The following ZNF45 variants were observed in gnomAD, a reference collection of about 807,000 sequenced individuals.
ZNF45 encodes BRC1744.
Under a neutral mutation model 12.0 loss-of-function variants are expected in ZNF45, and 4 were observed. The observed-to-expected ratio is 0.33, with a 90% CI of 0.16 to 0.76. ZNF45 has a LOEUF of 0.76. Among genes scored for constraint, ZNF45 ranks in the 30% least tolerant of loss-of-function variants. The pLI is 0.60. For missense variants in ZNF45, 700 were observed against 813.0 expected, an observed-to-expected ratio of 0.86 and a Z score of 1.69; for synonymous variants, 272 against 279.6, an observed-to-expected ratio of 0.97 and a Z score of 0.27.
chr19:43,917,330 TAAGA>T (rs1225687964), intron 9 of ZNF45, among the ~76,000 whole-genome samples: 1 of 152,216 alleles, frequency 6.6e-6, no homozygotes, highest in South Asian at 2.1e-4. Flanking sequence ...TCTAAATGAT[TAAGA>T]AAGGTATTAA....
rs781271230 is a variant in ZNF45 at position 43,914,701 on chromosome 19, C to T, written c.735G>A (p.Glu245=). 3.1e-6 allele frequency: 5 copies of T among 1,614,216 alleles called. No individual in the cohort carries two copies. The South Asian group carries it at 5.5e-5, about 18-fold the overall frequency. Residue 245 remains glutamate (E), a synonymous_variant, in exon 10 of 10, where the codon GAG becomes GAA. Transcript: ENST00000269973. The part of the protein sequence containing the change: ...LPHHQRVPTG[E]NPYKYEECGR... ...CACACTCTTCATATTTGTATGGATTCTCTCCAGTGGGAACTCTCTGATGAT... is the reference window on the plus strand; with the variant it reads ...CACACTCTTCATATTTGTATGGATTTTCTCCAGTGGGAACTCTCTGATGAT...
intron 6 of ZNF45, among the ~76,000 whole-genome samples, chr19:43,922,820 G>GTTTTTTTTTTTT (rs368057244): frequency 1.2e-5 from 1 of 86,506 alleles, no homozygotes; most frequent in Non-Finnish European, 2.1e-5. Flanking sequence ...TAAATTCTTT[G>GTTTTTTTTTTTT]TTTTTTTTTT....
rs1974378269 is a variant in ZNF45, at chr19:43,934,707, GA to G, written c.-755-14del. On this transcript the variant is annotated splice_polypyrimidine_tract_variant and intron_variant, in intron 1 of 9. Coordinates refer to ENST00000269973, the MANE Select transcript of ZNF45 (RefSeq NM_003425.4). ...ACAGCCTCCTTTCCTGCAGGAATCA[GA>G]AAGAAGAGCCAGGCGCTTGCTGAAA... 6.6e-6 allele frequency: 1 copy of G among 152,220 alleles called. No individual in the cohort carries two copies. 9.4% of individuals were successfully genotyped at this position (152,220 alleles called of 1,614,324 possible). A position where few individuals can be genotyped will look rare whatever the true frequency, so the allele number is the denominator to read the frequency against.
chr19:43,919,555 G>C lies in ZNF45; in HGVS notation c.142+18C>G. 6.2e-7 allele frequency: 1 copy of C among 1,608,436 alleles called. No homozygotes were observed. The highest frequency in any genetic ancestry group is 1.1e-5 in the South Asian group (1 of 90,890). On this transcript the variant is annotated intron_variant, in intron 8 of 9. Transcript: ENST00000269973. ...AACAGAGGGAGCCAATGTTCAGTCA[G>C]AGAATGCCTGTCCTCACCCACTGAG...
rs192974000 is a variant in ZNF45, at chr19:43,913,392, G to A, written c.2044C>T (p.Arg682Ter). 1.1e-4 allele frequency: 172 copies of A among 1,531,538 alleles called. No homozygotes were observed. In the Middle Eastern group the frequency reaches 1.4e-3, roughly 13 times the overall value. 94.9% of individuals were successfully genotyped at this position (1,531,538 alleles called of 1,614,324 possible). Residue 682 changes from arginine (R) to a stop codon, truncating the protein, a stop_gained, in exon 10 of 10, where the codon CGA (arginine) becomes TGA (stop). Transcript: ENST00000269973. LOFTEE classifies it high-confidence loss of function. ...CTGAGATAGTAAAACATATTTTATC[G>A]AGTTTTCCTGTGTGAATCCTCTGAT... ...PSSEDSHRKT[R>*]
Position 43,913,319 on chromosome 19 carries a change from A to C in ZNF45, c.*68T>G. The C allele has an allele frequency of 2.0e-6, 3 of 1,504,672 alleles. No individual in the cohort carries two copies. In the South Asian group the frequency reaches 4.2e-5, roughly 21 times the overall value. 93.2% of individuals were successfully genotyped at this position (1,504,672 alleles called of 1,614,324 possible). Reference sequence around the variant, plus strand: ...CTGAACTACTGACTCTATAAAACAAATGTTTTGTCTATGATAGCTCTGATT... The same window carrying C: ...CTGAACTACTGACTCTATAAAACAACTGTTTTGTCTATGATAGCTCTGATT... On this transcript the variant is annotated 3_prime_UTR_variant, in exon 10 of 10. Transcript: ENST00000269973.
At chr19:43,921,110 G>C (rs181857004) in intron 7 of ZNF45, among the ~76,000 whole-genome samples, 120 of 152,300 alleles carry the variant, frequency 7.9e-4, no homozygotes, top group Non-Finnish European at 1.5e-3. Context: ...CCACTAAGTG[G>C]AGAATTCTTT....
chr19:43,916,786 A>G (rs767574574), intron 9 of ZNF45, among the ~76,000 whole-genome samples: 9 of 152,158 alleles, frequency 5.9e-5, no homozygotes, highest in Admixed American at 1.3e-4. Flanking sequence ...GGAAAGAGCG[A>G]TTCTTCTGGG....
intron 6 of ZNF45, among the ~76,000 whole-genome samples, chr19:43,923,594 T>C (rs1247292195): frequency 6.6e-6 from 1 of 152,166 alleles, no homozygotes; most frequent in Non-Finnish European, 1.5e-5. Flanking sequence ...CTACTGTACA[T>C]AGATGACTGC....
intron 3 of ZNF45, chr19:43,926,685 G>A (rs1973705829): frequency 6.6e-6 from 1 of 152,234 alleles, no homozygotes; most frequent in Admixed American, 6.5e-5. Context: ...TTAGCGGCAT[G>A]AGGAATGGGC....
At chr19:43,922,820 G>GTTTTTTTTTTT (rs368057244) in intron 6 of ZNF45, among the ~76,000 whole-genome samples, 1 of 86,504 alleles carries the variant, frequency 1.2e-5, no homozygotes, top group Admixed American at 1.7e-4. Flanking sequence ...TAAATTCTTT[G>GTTTTTTTTTTT]TTTTTTTTTT....
intron 3 of ZNF45, chr19:43,926,564 C>G (rs995872349): frequency 6.6e-5 from 10 of 152,302 alleles, no homozygotes; most frequent in Middle Eastern, 3.4e-3. Context: ...TTGTGGGAAC[C>G]TTACTAAAAG....
rs566343060 is a variant in ZNF45, at chr19:43,928,496, G to A, written c.-399-3038C>T. Among the ~76,000 whole-genome samples the A allele has an allele frequency of 7.2e-5, 11 of 152,234 alleles. No homozygotes were observed. The South Asian group carries it at 2.3e-3, about 32-fold the overall frequency. Reference sequence around the variant, plus strand: ...ACAAGTTTACCTGTATAACAAACCTGCACGTGTACTTCTGCAGTTACAGAA... The same window carrying A: ...ACAAGTTTACCTGTATAACAAACCTACACGTGTACTTCTGCAGTTACAGAA... On this transcript the variant is annotated intron_variant, in intron 3 of 9. Coordinates refer to ENST00000269973, the MANE Select transcript of ZNF45 (RefSeq NM_003425.4).
At chr19:43,930,990 G>A (rs975495864) in intron 3 of ZNF45, among the ~76,000 whole-genome samples, 4 of 150,486 alleles carry the variant, frequency 2.7e-5, no homozygotes, top group Admixed American at 6.7e-5. Flanking sequence ...GACTAGTTAC[G>A]TTTCAGGTGC....
rs1972339152 is a variant in ZNF45 at position 43,913,103 on chromosome 19, C to T, written c.*284G>A. On this transcript the variant is annotated 3_prime_UTR_variant, in exon 10 of 10. Coordinates refer to ENST00000269973, the MANE Select transcript of ZNF45 (RefSeq NM_003425.4). ...TGGCAGTCAACAAAGTCCCTGCCCT[C>T]TTGGATCTTATATTCTAGTGGAACA... is the stretch of plus-strand genomic sequence containing the variant. 1 of 305,984 alleles carries T rather than the reference C, an allele frequency of 3.3e-6. No homozygotes were observed. Among genetic ancestry groups the T allele is most frequent in the South Asian group, 1.2e-4 (1 of 8,612 alleles). 19.0% of individuals were successfully genotyped at this position (305,984 alleles called of 1,614,324 possible).
In ZNF45 at chr19:43,914,926, C is replaced by G; in HGVS notation, c.510G>C (p.Val170=). The G allele has an allele frequency of 1.2e-6, 2 of 1,612,596 alleles. No homozygotes were observed. The highest frequency in any genetic ancestry group is 1.7e-6 in the Non-Finnish European group (2 of 1,178,652). The change falls in exon 10 of 10, where the codon GTG becomes GTC. Residue 170 remains valine, a synonymous_variant. Coordinates refer to ENST00000269973, the MANE Select transcript of ZNF45 (RefSeq NM_003425.4). ...GATGAGAGCTCCAGCTGAAACTTTT[C>G]ACACAATGTTCTCCTTTGTAGGGTT... ...GEKPYKGEHC[V]KSFSWSSHLQ...
At position 43,914,747 on chromosome 19, in the gene ZNF45, C is replaced by T. The variant is rs1231176875; in HGVS notation, c.689G>A (p.Ser230Asn). 1 of 1,614,198 alleles carries T rather than the reference C, an allele frequency of 6.2e-7. No homozygotes were observed. The highest frequency in any genetic ancestry group is 1.7e-5 in the Admixed American group (1 of 60,032). The change falls in exon 10 of 10, where the codon AGT becomes AAT. Residue 230 changes from serine to asparagine, a missense_variant. By Grantham distance (46) the Ser-to-Asn change is conservative. Coordinates refer to ENST00000269973, the MANE Select transcript of ZNF45 (RefSeq NM_003425.4). ...ATGATGGGGAAGATGTGACCTCTGA[C>T]TAAAACTCCTGTAACTTGCATCATT... ...YTNDASYRSF[S>N]QRSHLPHHQR...
At chr19:43,922,825 T>TG (rs1973309604) in intron 6 of ZNF45, among the ~76,000 whole-genome samples, 2 of 139,198 alleles carry the variant, frequency 1.4e-5, no homozygotes, top group Admixed American at 7.3e-5. Context: ...TCTTTGTTTT[T>TG]TTTTTTTTTT....
At chr19:43,925,820 A>C (rs1973629458) in intron 3 of ZNF45, among the ~76,000 whole-genome samples, 1 of 152,046 alleles carries the variant, frequency 6.6e-6, no homozygotes, top group African/African-American at 2.4e-5. Flanking sequence ...TTTAGTACAG[A>C]TGAGGTTTCA....
Sources: gnomAD v4.1 joint callset for allele counts (sites outside exome capture counted in the v4.1 genomes callset) on GRCh38, gnomAD v4.1.1 for gene constraint, MANE v1.5 for transcripts, NCBI Gene and HGNC (gene_info 2026-07-23, HGNC 2026-07-21) for gene names.